PDE4D: variants seen among roughly 807,000 people sequenced by gnomAD.
PDE4D encodes 3',5'-cyclic-AMP phosphodiesterase 4D.
A neutral mutation model predicts 87.4 loss-of-function variants in PDE4D; 24 were observed. The ratio of observed to expected loss-of-function variants is 0.27; its 90% CI spans 0.20 to 0.39. PDE4D has a LOEUF of 0.39. PDE4D is among the 10% of genes least tolerant of loss of function. PDE4D has a pLI of 1.00. For missense variants in PDE4D, 714 were observed against 1,041.0 expected (o/e 0.69, Z 4.32); for synonymous variants, 384 against 383.2 (o/e 1.00, Z -0.02).
intron 1 of PDE4D, among the ~76,000 whole-genome samples, chr5:59,651,071 T>A (rs1000531715): frequency 1.3e-5 from 2 of 151,726 alleles, no homozygotes; most frequent in Non-Finnish European, 2.9e-5. Flanking sequence ...CTGGCCAACA[T>A]AGTGAAACCC....
chr5:60,001,908 A>T (rs1484780720), intron 2 of PDE4D, among the ~76,000 whole-genome samples: 1 of 150,596 alleles, frequency 6.6e-6, no homozygotes, highest in African/African-American at 2.4e-5. Context: ...ACTCTAATAG[A>T]TCCAGAAAAG....
chr5:59,053,374 C>T (rs1580538554), intron 5 of PDE4D, among the ~76,000 whole-genome samples: 2 of 97,684 alleles, frequency 2.0e-5, no homozygotes, highest in African/African-American at 3.7e-5. Flanking sequence ...CACACACACA[C>T]ACACACACAC....
In PDE4D at chr5:60,499,398, T is replaced by C. The variant is rs147743527; in HGVS notation, n.70+22653A>G. On this transcript the variant is annotated intron_variant and non_coding_transcript_variant, in intron 1 of 2. Coordinates refer to the PDE4D transcript ENST00000506510. The stretch of plus-strand genomic sequence containing the variant: ...CTCTACAGAATTTCATGAACTTTCA[T>C]TGAGATTTCAGCAGTTCTTCCAAAA... Among the ~76,000 whole-genome samples the C allele has an allele frequency of 4.1e-3, 626 of 152,302 alleles. 1 individual carries two copies. Among genetic ancestry groups the C allele is most frequent in the African/African-American group, 0.014 (598 of 41,580 alleles).
chr5:60,426,274 C>A (rs1743705205), intron 1 of PDE4D, among the ~76,000 whole-genome samples: 1 of 152,154 alleles, frequency 6.6e-6, no homozygotes, highest in African/African-American at 2.4e-5. Flanking sequence ...AGACTTGGAA[C>A]CAACCCAAAT....
intron 1 of PDE4D, among the ~76,000 whole-genome samples, chr5:59,228,625 T>C (rs923094429): frequency 6.6e-6 from 1 of 152,170 alleles, no homozygotes; most frequent in African/African-American, 2.4e-5. Flanking sequence ...TTATTCTTTA[T>C]ATTGCAGACA....
At chr5:60,475,780 G>A (rs888967953) in intron 1 of PDE4D, among the ~76,000 whole-genome samples, 1 of 132,366 alleles carries the variant, frequency 7.6e-6, no homozygotes, top group Non-Finnish European at 1.5e-5. Flanking sequence ...CCTAAAACAA[G>A]CTATTTATTC....
intron 1 of PDE4D, among the ~76,000 whole-genome samples, chr5:59,616,681 G>A (rs761888884): frequency 1.4e-4 from 22 of 151,826 alleles, no homozygotes; most frequent in South Asian, 6.2e-4. Context: ...AAAGTAAACT[G>A]CTAAAGATAA....
intron 5 of PDE4D, among the ~76,000 whole-genome samples, chr5:59,125,858 C>G (rs1382421570): frequency 1.3e-5 from 2 of 151,970 alleles, no homozygotes; most frequent in Admixed American, 1.3e-4. Flanking sequence ...GTATTTTGTT[C>G]ACAGTGTTAA....
At chr5:60,496,539 C>A (rs1012213278) in intron 1 of PDE4D, among the ~76,000 whole-genome samples, 1 of 152,040 alleles carries the variant, frequency 6.6e-6, no homozygotes, top group African/African-American at 2.4e-5. Flanking sequence ...CTCTTTGAAT[C>A]TGGGCATAGG....
At chr5:60,434,351 TA>T (rs1744596986) in intron 1 of PDE4D, among the ~76,000 whole-genome samples, 1 of 152,284 alleles carries the variant, frequency 6.6e-6, no homozygotes, top group East Asian at 1.9e-4. Context: ...GAAAGCTTTC[TA>T]AATTATCAGA....
chr5:59,568,303 T>C (rs911428642), intron 1 of PDE4D, among the ~76,000 whole-genome samples: 2 of 152,070 alleles, frequency 1.3e-5, no homozygotes, highest in Non-Finnish European at 2.9e-5. Context: ...AACCTAAGCA[T>C]AAAATAAATA....
intron 2 of PDE4D, among the ~76,000 whole-genome samples, chr5:60,097,440 A>T (rs1051320445): frequency 2.0e-5 from 3 of 152,062 alleles, no homozygotes; most frequent in African/African-American, 7.2e-5. Context: ...CAATTTAAGT[A>T]AAAAGAAATT....
At chr5:59,758,855 T>C (rs1475727502) in intron 1 of PDE4D, among the ~76,000 whole-genome samples, 1 of 152,198 alleles carries the variant, frequency 6.6e-6, no homozygotes, top group Non-Finnish European at 1.5e-5. Context: ...TTGTTATCAC[T>C]TTGTAAATTT....
At chr5:60,376,670 C>T (rs889715688) in intron 1 of PDE4D, among the ~76,000 whole-genome samples, 4 of 152,184 alleles carry the variant, frequency 2.6e-5, no homozygotes, top group Non-Finnish European at 4.4e-5. Flanking sequence ...CACTCTTCAT[C>T]GGCATCTCTG....
intron 1 of PDE4D, among the ~76,000 whole-genome samples, chr5:59,458,783 G>C (rs991917081): frequency 6.6e-6 from 1 of 152,168 alleles, no homozygotes; most frequent in African/African-American, 2.4e-5. Flanking sequence ...AGTTCTGTCA[G>C]TGTTACTACT....
At chr5:59,070,104 G>A (rs114064239) in intron 5 of PDE4D, among the ~76,000 whole-genome samples, 4,422 of 152,186 alleles carry the variant, frequency 0.029, 89 homozygotes, top group Middle Eastern at 0.078. Context: ...TCTACTTTTA[G>A]AAGTACTGCT....
intron 1 of PDE4D, among the ~76,000 whole-genome samples, chr5:59,371,810 C>T (rs1026929709): frequency 6.6e-6 from 1 of 152,290 alleles, no homozygotes; most frequent in Admixed American, 6.5e-5. Flanking sequence ...TAGTGCTTAG[C>T]AAAGTTTCTT....
intron 1 of PDE4D, among the ~76,000 whole-genome samples, chr5:60,274,342 T>C (rs1159502241): frequency 2.6e-3 from 18 of 7,004 alleles, no homozygotes; most frequent in Non-Finnish European, 6.0e-3. Flanking sequence ...TTCTTGTCGT[T>C]GTTGTTGTTG....
At chr5:59,251,761 G>T (rs572195385) in intron 1 of PDE4D, among the ~76,000 whole-genome samples, 2 of 151,968 alleles carry the variant, frequency 1.3e-5, no homozygotes, top group Non-Finnish European at 2.9e-5. Context: ...CAATAGTAAC[G>T]ACATGGAATC....
Sources: gnomAD v4.1 joint callset for allele counts (sites outside exome capture counted in the v4.1 genomes callset) on GRCh38, gnomAD v4.1.1 for gene constraint, MANE v1.5 for transcripts, NCBI Gene and HGNC (gene_info 2026-07-23, HGNC 2026-07-21) for gene names.